Variants in MAPK8 observed in about 807,000 individuals in gnomAD.
The protein encoded by MAPK8 is JUN N-terminal kinase.
In MAPK8, 13 loss-of-function variants were observed where a neutral mutation model predicts 52.9. The ratio of observed to expected loss-of-function variants is 0.25; its 90% CI spans 0.16 to 0.39. MAPK8 has a LOEUF of 0.39. MAPK8 is among the 10% of genes least tolerant of loss of function. The probability of loss-of-function intolerance (pLI) is 1.00; values close to 1 mark genes in which losing one functional copy is unlikely to be tolerated. For missense variants in MAPK8, 300 were observed against 519.2 expected (o/e 0.58, Z 4.10); for synonymous variants, 191 against 169.8 (o/e 1.12, Z -0.97).
intron 5 of MAPK8, among the ~76,000 whole-genome samples, chr10:48,417,022 T>G (rs1471241680): frequency 2.0e-5 from 3 of 152,218 alleles, no homozygotes; most frequent in Non-Finnish European, 4.4e-5. Context: ...CAAACAGTTC[T>G]TTCTTTTGAT....
At chr10:48,434,845 G>A (rs755737202) in intron 11 of MAPK8, 39 bp from the exon 12 acceptor site, 3 of 1,569,110 alleles carry the variant, frequency 1.9e-6, no homozygotes, top group South Asian at 1.2e-5. Context: ...ATCTGCAGCT[G>A]TCTGCAACTG....
At chr10:48,363,696 T>A (rs889264321) in intron 1 of MAPK8, among the ~76,000 whole-genome samples, 10 of 152,228 alleles carry the variant, frequency 6.6e-5, no homozygotes, top group Non-Finnish European at 1.2e-4. Context: ...TACATTTTTC[T>A]CCATCCACTA....
rs767257171 is a variant in MAPK8, at chr10:48,426,107, G to A, written c.871+37G>A. ...AAATATGTACATTTAATCCCATTTGGGGTGTGTAGTGTGTGTGTATGGGTT... is the reference window on the plus strand; with the variant it reads ...AAATATGTACATTTAATCCCATTTGAGGTGTGTAGTGTGTGTGTATGGGTT... On this transcript the variant is annotated intron_variant, in intron 8 of 11. Transcript: ENST00000374189. 4.5e-6 allele frequency: 7 copies of A among 1,553,424 alleles called. No individual in the cohort carries two copies. In the Admixed American group the frequency reaches 1.1e-4, roughly 23 times the overall value.
chr10:48,411,119 A>G (rs990568321), intron 5 of MAPK8, among the ~76,000 whole-genome samples: 1 of 152,214 alleles, frequency 6.6e-6, no homozygotes, highest in African/African-American at 2.4e-5. Context: ...CACAAAAACT[A>G]TAATTTTAAT....
intron 7 of MAPK8, chr10:48,424,619 A>G (rs1233969715): frequency 2.1e-6 from 3 of 1,448,282 alleles, no homozygotes; most frequent in Middle Eastern, 3.6e-4. Flanking sequence ...TGTAGTTTCT[A>G]AAGGTCAAAA....
At chr10:48,419,540 C>T (rs1589251349) in intron 5 of MAPK8, among the ~76,000 whole-genome samples, 1 of 152,106 alleles carries the variant, frequency 6.6e-6, no homozygotes, top group African/African-American at 2.4e-5. Flanking sequence ...AGATTAGTGG[C>T]ACCAAGGCAA....
chr10:48,425,221 TGA>T (rs1226166733), intron 7 of MAPK8: 4 of 761,220 alleles, frequency 5.3e-6, no homozygotes, highest in Non-Finnish European at 7.4e-6. Flanking sequence ...TTACAATAAG[TGA>T]GTTTTAGGCC....
intron 1 of MAPK8, among the ~76,000 whole-genome samples, chr10:48,346,019 A>G (rs1185963950): frequency 1.3e-5 from 2 of 152,330 alleles, no homozygotes; most frequent in East Asian, 1.9e-4. Context: ...AGCAGAGCCA[A>G]TATGGGAAGC....
At chr10:48,361,654 T>TA (rs1474272101) in intron 1 of MAPK8, among the ~76,000 whole-genome samples, 1 of 152,220 alleles carries the variant, frequency 6.6e-6, no homozygotes, top group Non-Finnish European at 1.5e-5. Context: ...TGTACTATTA[T>TA]ACTTCTCTAA....
Position 48,434,904 on chromosome 10 carries a change from T to C in MAPK8, c.1159T>C (p.Ser387Pro). The change falls in exon 12 of 12, where the codon TCT (serine) becomes CCT (proline). Residue 387 changes from serine (S) to proline (P), a missense_variant. Around this residue, in one of 3 missense-constraint regions of MAPK8, gnomAD observed 119 missense variants for 154.4 expected, o/e 0.77. Coordinates refer to ENST00000374189, the MANE Select transcript of MAPK8 (RefSeq NM_001323329.2). Reference protein sequence around the residue: ...SPLGAAVINGSQHPSSSSSVN... With the variant: ...SPLGAAVINGPQHPSSSSSVN... The stretch of plus-strand genomic sequence containing the variant: ...CACAGGTGCAGCAGTGATCAATGGC[T>C]CTCAGCATCCATCATCATCGTCGTC... 6.2e-7 allele frequency: 1 copy of C among 1,613,610 alleles called. No homozygotes were observed. The highest frequency in any genetic ancestry group is 8.5e-7 in the Non-Finnish European group (1 of 1,179,778).
chr10:48,438,771 T>A lies in MAPK8; in HGVS notation c.*3742T>A, dbSNP rs1482144426. ...AAGTATGTAAAGTATATACCTTACA[T>A]CAGTAAGAGACACGTGTAAAATCTT... On this transcript the variant is annotated 3_prime_UTR_variant, in exon 12 of 12. Coordinates refer to ENST00000374189, the MANE Select transcript of MAPK8 (RefSeq NM_001323329.2). 1 of 152,242 alleles carries A rather than the reference T, an allele frequency of 6.6e-6. No individual in the cohort carries two copies. The highest frequency in any genetic ancestry group is 2.4e-5 in the African/African-American group (1 of 41,464). 9.4% of individuals were successfully genotyped at this position (152,242 alleles called of 1,614,324 possible).
intron 1 of MAPK8, among the ~76,000 whole-genome samples, chr10:48,329,132 A>C (rs555637347): frequency 1.3e-5 from 2 of 152,232 alleles, no homozygotes; most frequent in African/African-American, 4.8e-5. Flanking sequence ...GAAGTTAAGT[A>C]ACTTGCGCAG....
chr10:48,410,861 G>A (rs2042709766), intron 5 of MAPK8, among the ~76,000 whole-genome samples: 1 of 152,142 alleles, frequency 6.6e-6, no homozygotes, highest in African/African-American at 2.4e-5. Flanking sequence ...ATTTTACTTT[G>A]CATCTCCCTA....
intron 1 of MAPK8, among the ~76,000 whole-genome samples, chr10:48,337,812 G>C (rs957850021): frequency 6.6e-6 from 1 of 152,102 alleles, no homozygotes; most frequent in Non-Finnish European, 1.5e-5. Flanking sequence ...AGAGACTACT[G>C]TGGACATTTT....
chr10:48,338,462 C>G (rs1177800539), intron 1 of MAPK8, among the ~76,000 whole-genome samples: 5 of 152,176 alleles, frequency 3.3e-5, no homozygotes, highest in Non-Finnish European at 1.5e-5. Flanking sequence ...GACATACCCA[C>G]AGCCAACATC....
intron 1 of MAPK8, among the ~76,000 whole-genome samples, chr10:48,320,211 CTTTT>C (rs71026206): frequency 5.7e-5 from 2 of 35,314 alleles, no homozygotes; most frequent in African/African-American, 9.1e-5. Flanking sequence ...ACTGCTCGGC[CTTTT>C]TTTTTTTTTT....
chr10:48,413,488 T>C (rs1309361592), intron 5 of MAPK8, among the ~76,000 whole-genome samples: 3 of 152,114 alleles, frequency 2.0e-5, no homozygotes, highest in Non-Finnish European at 4.4e-5. Flanking sequence ...GGGTGTGAGG[T>C]GGTTTCCTGT....
At chr10:48,367,116 G>A (rs776512572) in intron 1 of MAPK8, among the ~76,000 whole-genome samples, 10 of 152,202 alleles carry the variant, frequency 6.6e-5, no homozygotes, top group Non-Finnish European at 4.4e-5. Flanking sequence ...GGGTGTAGTA[G>A]CGCAGCACTT....
In MAPK8 at chr10:48,342,701, GT is replaced by G. The variant is rs372369880; in HGVS notation, c.-50+35882del. Among the ~76,000 whole-genome samples, 99 of 152,300 alleles carry G rather than the reference GT, an allele frequency of 6.5e-4. 1 individual carries two copies. The East Asian group carries it at 0.017, about 27-fold the overall frequency. On this transcript the variant is annotated intron_variant, in intron 1 of 11. Transcript: ENST00000374189. ...ATAGGAGGAGTAACTCCTCAGAGTA[GT>G]TGTGGGTAATGGAATACATGTTTCT...
Sources: gnomAD v4.1 joint callset for allele counts (sites outside exome capture counted in the v4.1 genomes callset) on GRCh38, gnomAD v4.1.1 for gene constraint, gnomAD v4.1.1 regional missense constraint, MANE v1.5 for transcripts, NCBI Gene and HGNC (gene_info 2026-07-23, HGNC 2026-07-21) for gene names.